GUCY1A2: variants seen among roughly 807,000 people sequenced by gnomAD.
GUCY1A2 encodes guanylate cyclase 1 soluble subunit alpha 2.
Under a neutral mutation model 63.5 loss-of-function variants are expected in GUCY1A2, and 27 were observed. The observed-to-expected ratio is 0.43, with a 90% CI of 0.31 to 0.59. GUCY1A2 has a LOEUF of 0.59. GUCY1A2 is among the 20% of genes least tolerant of loss of function. The pLI is 0.11. For missense variants in GUCY1A2, 768 were observed against 913.3 expected, an observed-to-expected ratio of 0.84 and a Z score of 2.05; for synonymous variants, 364 against 343.5, an observed-to-expected ratio of 1.06 and a Z score of -0.66.
chr11:106,863,600 G>T (rs563040480), intron 4 of GUCY1A2, among the ~76,000 whole-genome samples: 1 of 152,220 alleles, frequency 6.6e-6, no homozygotes, highest in East Asian at 1.9e-4. Context: ...TTTTGCTTAG[G>T]ATTGTCTTGG....
At chr11:106,895,965 G>T (rs1322236936) in intron 4 of GUCY1A2, among the ~76,000 whole-genome samples, 1 of 149,844 alleles carries the variant, frequency 6.7e-6, no homozygotes, top group Admixed American at 6.7e-5. Flanking sequence ...AGTGAGCCAA[G>T]ATCGTGCCAC....
chr11:106,684,868 A>C lies in GUCY1A2; in HGVS notation c.*2681T>G, dbSNP rs759702514. The C allele has an allele frequency of 4.8e-6, 1 of 208,170 alleles. No homozygotes were observed. Among genetic ancestry groups the C allele is most frequent in the Non-Finnish European group, 9.8e-6 (1 of 102,072 alleles). The allele number at this position is 208,170 out of a possible 1,614,324, so 12.9% of individuals were successfully genotyped here. A position where few individuals can be genotyped will look rare whatever the true frequency, so the allele number is the denominator to read the frequency against. The stretch of plus-strand genomic sequence containing the variant: ...TGTATAGATAAAAGTCATATGAAAT[A>C]ACAAATGCCACCACATTGTTACAAT... On this transcript the variant is annotated 3_prime_UTR_variant, in exon 8 of 8. Coordinates refer to ENST00000526355, the MANE Select transcript of GUCY1A2 (RefSeq NM_000855.3).
At chr11:107,001,366 T>C (rs1185573397) in intron 1 of GUCY1A2, among the ~76,000 whole-genome samples, 1 of 152,168 alleles carries the variant, frequency 6.6e-6, no homozygotes. Flanking sequence ...TTCTTCCTAG[T>C]ATATAATGTA....
At chr11:106,984,639 ATT>A (rs35080346) in intron 2 of GUCY1A2, among the ~76,000 whole-genome samples, 3,323 of 152,280 alleles carry the variant, frequency 0.022, 79 homozygotes, top group East Asian at 0.12. Flanking sequence ...GATGATGGAT[ATT>A]GTCATAAAAA....
chr11:106,833,033 T>A (rs1859071618), intron 4 of GUCY1A2, among the ~76,000 whole-genome samples: 1 of 152,076 alleles, frequency 6.6e-6, no homozygotes, highest in African/African-American at 2.4e-5. Flanking sequence ...GATCATGGTG[T>A]TGACAGATCT....
intron 2 of GUCY1A2, among the ~76,000 whole-genome samples, chr11:106,982,856 T>C (rs1861355927): frequency 6.6e-6 from 1 of 152,114 alleles, no homozygotes. Flanking sequence ...ACAGAAAGAA[T>C]TTAGACTTTA....
At chr11:106,975,774 T>C (rs1861254096) in intron 3 of GUCY1A2, among the ~76,000 whole-genome samples, 1 of 152,196 alleles carries the variant, frequency 6.6e-6, no homozygotes, top group Non-Finnish European at 1.5e-5. Context: ...TGAAACACCT[T>C]GTAGGGCACA....
chr11:107,000,093 C>A (rs1861593160), intron 1 of GUCY1A2, among the ~76,000 whole-genome samples: 1 of 152,082 alleles, frequency 6.6e-6, no homozygotes, highest in Non-Finnish European at 1.5e-5. Flanking sequence ...ATCCATTCTC[C>A]TTCAGCAGGA....
At chr11:106,772,678 A>G (rs2135399729) in intron 6 of GUCY1A2, among the ~76,000 whole-genome samples, 1 of 152,344 alleles carries the variant, frequency 6.6e-6, no homozygotes, top group East Asian at 1.9e-4. Context: ...ACTGTAAAAC[A>G]CAATTCCCTG....
chr11:106,724,718 C>G (rs1198860824), intron 6 of GUCY1A2, among the ~76,000 whole-genome samples: 2 of 152,142 alleles, frequency 1.3e-5, no homozygotes, highest in South Asian at 2.1e-4. Flanking sequence ...ACTCTCGCAG[C>G]TTTCATATCT....
chr11:106,796,109 T>C (rs1045259352), intron 5 of GUCY1A2, among the ~76,000 whole-genome samples: 1 of 152,190 alleles, frequency 6.6e-6, no homozygotes, highest in Non-Finnish European at 1.5e-5. Flanking sequence ...AAGTCTGTTT[T>C]ATCAGAGACT....
rs769992648 is a variant in GUCY1A2, at chr11:106,986,141, A to G, written c.304-10T>C. The G allele has an allele frequency of 7.6e-7, 1 of 1,312,774 alleles. No individual in the cohort carries two copies. Among genetic ancestry groups the G allele is most frequent in the South Asian group, 1.2e-5 (1 of 84,782 alleles). The allele number at this position is 1,312,774 out of a possible 1,614,324, so 81.3% of individuals were successfully genotyped here. ...GCTGTATCGTCTGAGGCTACAGAAT[A>G]ATAATAATAATAAAAACATATTATC... On this transcript the variant is annotated splice_polypyrimidine_tract_variant and intron_variant, in intron 1 of 7. Transcript: ENST00000526355.
intron 6 of GUCY1A2, among the ~76,000 whole-genome samples, chr11:106,763,098 A>G (rs1231897495): frequency 1.3e-5 from 2 of 152,140 alleles, no homozygotes; most frequent in African/African-American, 4.8e-5. Context: ...TTCTATGGAT[A>G]CTAAAAGGCA....
At chr11:106,862,350 T>C (rs947821211) in intron 4 of GUCY1A2, among the ~76,000 whole-genome samples, 4 of 151,958 alleles carry the variant, frequency 2.6e-5, no homozygotes, top group African/African-American at 9.7e-5. Context: ...CATCAATAGA[T>C]AAGTTTCTAG....
intron 3 of GUCY1A2, among the ~76,000 whole-genome samples, chr11:106,956,670 C>T (rs1260106578): frequency 6.6e-6 from 1 of 152,152 alleles, no homozygotes; most frequent in African/African-American, 2.4e-5. Flanking sequence ...TCTTCTGGGA[C>T]CTCTGACCTC....
chr11:106,858,729 T>G (rs1160160035), intron 4 of GUCY1A2, among the ~76,000 whole-genome samples: 1 of 152,082 alleles, frequency 6.6e-6, no homozygotes, highest in Non-Finnish European at 1.5e-5. Flanking sequence ...TATCAAATAT[T>G]GTTCTAGGCC....
At chr11:106,838,120 C>T (rs533644415) in intron 4 of GUCY1A2, among the ~76,000 whole-genome samples, 8 of 152,014 alleles carry the variant, frequency 5.3e-5, no homozygotes, top group Admixed American at 3.3e-4. Flanking sequence ...AATTGTCCCT[C>T]GTGTGCAACC....
At chr11:106,727,184 G>A (rs1863422367) in intron 6 of GUCY1A2, among the ~76,000 whole-genome samples, 1 of 152,164 alleles carries the variant, frequency 6.6e-6, no homozygotes, top group South Asian at 2.1e-4. Context: ...AAATCTGTTA[G>A]GACAGGAGCC....
At chr11:106,871,411 C>T (rs1047997978) in intron 4 of GUCY1A2, among the ~76,000 whole-genome samples, 85 of 152,162 alleles carry the variant, frequency 5.6e-4, no homozygotes, top group African/African-American at 1.9e-3. Flanking sequence ...CAGGGTGATG[C>T]TCTTTCTAAA....
Sources: allele counts gnomAD v4.1 joint callset (sites outside exome capture counted in the v4.1 genomes callset), GRCh38; gene constraint gnomAD v4.1.1; transcripts MANE v1.5; gene names NCBI Gene and HGNC (gene_info 2026-07-23, HGNC 2026-07-21).